The following DCAF5 variants were observed in gnomAD, a reference collection of about 807,000 sequenced individuals.
The protein encoded by DCAF5 is DDB1 and CUL4 associated factor 5, also known as DDB1- and CUL4-associated factor 5.
DCAF5 carries 9 observed loss-of-function variants against 80.7 expected under a neutral mutation model. The ratio of observed to expected loss-of-function variants is 0.11; its 90% CI spans 0.07 to 0.19. The LOEUF is 0.19. Among genes scored for constraint, DCAF5 ranks in the 10% least tolerant of loss-of-function variants. The pLI is 1.00. For synonymous variants in DCAF5, 433 were observed against 461.9 expected (o/e 0.94, Z 0.80); for missense variants, 842 against 1,205.7 (o/e 0.70, Z 4.47).
At chr14:69,141,130 T>C (rs1199170895) in intron 1 of DCAF5, among the ~76,000 whole-genome samples, 3 of 100,798 alleles carry the variant, frequency 3.0e-5, no homozygotes, top group Non-Finnish European at 5.3e-5. Flanking sequence ...CGAGACTCCA[T>C]CTCAAATTTA....
At chr14:69,133,602 A>C (rs1434356493) in intron 1 of DCAF5, among the ~76,000 whole-genome samples, 3 of 152,172 alleles carry the variant, frequency 2.0e-5, no homozygotes, top group African/African-American at 7.2e-5. Flanking sequence ...TGTCACACAA[A>C]TTTTGCTCTT....
chr14:69,115,903 T>C (rs547598334), intron 5 of DCAF5, among the ~76,000 whole-genome samples: 4 of 152,286 alleles, frequency 2.6e-5, no homozygotes, highest in South Asian at 2.1e-4. Context: ...AATTTTCATA[T>C]AATTTTGGCA....
chr14:69,054,306 A>G lies in DCAF5; in HGVS notation c.2380T>C (p.Ser794Pro), dbSNP rs1183430504. 6.2e-7 allele frequency: 1 copy of G among 1,614,164 alleles called. No individual in the cohort carries two copies. Among genetic ancestry groups the G allele is most frequent in the Non-Finnish European group, 8.5e-7 (1 of 1,180,026 alleles). ...CCAGATGCCTTGGGGACAGGAGGAG[A>G]AGGCGGCTCCTCAGCCCGACTGCTC... ...ALSSRAEEPP[S>P]PPVPKASGST... Residue 794 changes from serine to proline, a missense_variant, in exon 9 of 9, where the codon TCT (serine) becomes CCT (proline). Ser to Pro is a moderately conservative substitution (Grantham distance 74). Coordinates refer to ENST00000341516, the MANE Select transcript of DCAF5 (RefSeq NM_003861.3).
chr14:69,148,628 G>C (rs2140130699), intron 1 of DCAF5, among the ~76,000 whole-genome samples: 1 of 152,198 alleles, frequency 6.6e-6, no homozygotes, highest in African/African-American at 2.4e-5. Flanking sequence ...CCAGGAGGCG[G>C]AGGTTGCAGT....
chr14:69,105,788 C>T (rs1440629163), intron 5 of DCAF5, among the ~76,000 whole-genome samples: 2 of 150,540 alleles, frequency 1.3e-5, no homozygotes, highest in Admixed American at 6.7e-5. Context: ...CTACTGTCGG[C>T]CTACCTGGTT....
chr14:69,086,354 T>C (rs989666445), intron 6 of DCAF5, among the ~76,000 whole-genome samples: 7 of 151,812 alleles, frequency 4.6e-5, no homozygotes, highest in Non-Finnish European at 7.4e-5. Flanking sequence ...CAAGACTCCG[T>C]CTAAAAACAA....
chr14:69,107,908 T>C (rs914525224), intron 5 of DCAF5, among the ~76,000 whole-genome samples: 1 of 152,184 alleles, frequency 6.6e-6, no homozygotes, highest in African/African-American at 2.4e-5. Context: ...GCACTAGAGA[T>C]TAAAGATGAA....
intron 1 of DCAF5, among the ~76,000 whole-genome samples, chr14:69,124,827 G>C (rs1468226105): frequency 6.6e-6 from 1 of 152,088 alleles, no homozygotes; most frequent in Non-Finnish European, 1.5e-5. Context: ...CACTGAGGCT[G>C]TGAGTCAGTG....
At chr14:69,140,469 T>C (rs2041332403) in intron 1 of DCAF5, among the ~76,000 whole-genome samples, 1 of 152,198 alleles carries the variant, frequency 6.6e-6, no homozygotes, top group Admixed American at 6.5e-5. Context: ...TTATTTATCA[T>C]TCATATTTTA....
intron 5 of DCAF5, among the ~76,000 whole-genome samples, chr14:69,104,135 T>C (rs559151950): frequency 2.6e-5 from 4 of 152,358 alleles, no homozygotes; most frequent in African/African-American, 7.2e-5. Context: ...CTGGGTCATA[T>C]GGTAAGCTCA....
intron 7 of DCAF5, among the ~76,000 whole-genome samples, chr14:69,063,747 C>T (rs1011728763): frequency 5.9e-5 from 9 of 152,186 alleles, no homozygotes; most frequent in African/African-American, 1.9e-4. Context: ...TAACACAACT[C>T]TTCTTTTGTC....
rs747929279 is a variant in DCAF5 at position 69,054,673 on chromosome 14, A to G, written c.2013T>C (p.Tyr671=). 8.7e-6 allele frequency: 14 copies of G among 1,614,122 alleles called. No homozygotes were observed. Among genetic ancestry groups the G allele is most frequent in the South Asian group, 5.5e-5 (5 of 91,090 alleles). ...CATCTTTGTTATTTGAGTAGGAGATATAAGAGTAGCGGAGCCACTTGTAAG... is the reference window on the plus strand; with the variant it reads ...CATCTTTGTTATTTGAGTAGGAGATGTAAGAGTAGCGGAGCCACTTGTAAG... ...YKAYKWLRYS[Y]ISYSNNKDGE... is the part of the protein sequence containing the mutation. The change falls in exon 9 of 9, where the codon TAT becomes TAC. Residue 671 remains tyrosine, a synonymous_variant. Transcript: ENST00000341516.
chr14:69,062,314 T>C (rs72718277), intron 8 of DCAF5, 70 bp downstream of exon 8: 213,714 of 1,531,668 alleles, frequency 0.14, 16,443 homozygotes, highest in Middle Eastern at 0.23. Flanking sequence ...CCTACATAAA[T>C]TGTTCTAGTT....
intron 1 of DCAF5, among the ~76,000 whole-genome samples, chr14:69,122,638 G>A (rs1339502235): frequency 1.3e-5 from 2 of 152,172 alleles, no homozygotes; most frequent in African/African-American, 4.8e-5. Flanking sequence ...CCCTGTTCCT[G>A]TCTTTCCAGA....
At chr14:69,090,665 A>G (rs2039500099) in intron 6 of DCAF5, 1 of 156,006 alleles carries the variant, frequency 6.4e-6, no homozygotes, top group South Asian at 1.9e-4. Flanking sequence ...TACTTCAAAA[A>G]GCGAGGTCTT....
At chr14:69,135,026 CAA>C (rs2041148955) in intron 1 of DCAF5, among the ~76,000 whole-genome samples, 1 of 152,182 alleles carries the variant, frequency 6.6e-6, no homozygotes, top group Admixed American at 6.5e-5. Flanking sequence ...ACAGAAGAAA[CAA>C]GACAGAATTG....
chr14:69,085,271 A>T, intron 6 of DCAF5: 1 of 715,818 alleles, frequency 1.4e-6, no homozygotes, highest in Non-Finnish European at 2.6e-6. Flanking sequence ...GAAGGCAAGC[A>T]GAAAAAGCGA....
At chr14:69,061,558 A>G (rs1222730374) in intron 8 of DCAF5, among the ~76,000 whole-genome samples, 1 of 152,196 alleles carries the variant, frequency 6.6e-6, no homozygotes, top group Non-Finnish European at 1.5e-5. Flanking sequence ...TGATCCAAGT[A>G]TTTAGTATTC....
chr14:69,139,933 G>A (rs2041313251), intron 1 of DCAF5, among the ~76,000 whole-genome samples: 1 of 150,470 alleles, frequency 6.6e-6, no homozygotes, highest in Admixed American at 6.6e-5. Context: ...AAGAAGGAAG[G>A]GAGGGAGAGA....
Sources: gnomAD v4.1 joint callset for allele counts (sites outside exome capture counted in the v4.1 genomes callset) on GRCh38, gnomAD v4.1.1 for gene constraint, MANE v1.5 for transcripts, NCBI Gene and HGNC (gene_info 2026-07-23, HGNC 2026-07-21) for gene names.